Variants in NPFFR2 observed in about 807,000 individuals in gnomAD.
The protein encoded by NPFFR2 is neuropeptide FF receptor 2, also known as G-protein coupled receptor 74.
In NPFFR2, 15 loss-of-function variants were observed where a neutral mutation model predicts 13.1. The ratio of observed to expected loss-of-function variants is 1.15; its 90% CI spans 0.77 to 1.76. The LOEUF is 1.76. NPFFR2 is among the 40% of genes most tolerant of loss of function. The pLI is 0.00. For synonymous variants in NPFFR2, 190 were observed against 175.7 expected, an observed-to-expected ratio of 1.08 and a Z score of -0.65; for missense variants, 572 against 503.5, an observed-to-expected ratio of 1.14 and a Z score of -1.30.
chr4:72,073,367 G>T (rs1367027976), intron 1 of NPFFR2, among the ~76,000 whole-genome samples: 1 of 151,866 alleles, frequency 6.6e-6, no homozygotes, highest in Non-Finnish European at 1.5e-5. Flanking sequence ...TCTATAGCTG[G>T]CAAAACTATC....
At chr4:72,116,785 T>A (rs1721724514) in intron 1 of NPFFR2, among the ~76,000 whole-genome samples, 1 of 152,206 alleles carries the variant, frequency 6.6e-6, no homozygotes, top group Admixed American at 6.5e-5. Flanking sequence ...TATATTATAC[T>A]GTCACTCTGG....
rs186850390 is a variant in NPFFR2, at chr4:72,114,154, T to C, written c.-7-14431T>C. 2.6e-5 allele frequency among the ~76,000 whole-genome samples: 4 copies of C among 152,158 alleles called. No homozygotes were observed. The East Asian group carries it at 7.7e-4, about 29-fold the overall frequency. The stretch of plus-strand genomic sequence containing the variant: ...TGAATAGCCAGTCAGCAGCTTTAAC[T>C]CCTTCCTGTTCAAAAAAGTGTGCAT... On this transcript the variant is annotated intron_variant, in intron 1 of 3. Coordinates refer to ENST00000308744, the MANE Select transcript of NPFFR2 (RefSeq NM_004885.3).
Position 72,128,900 on chromosome 4 carries a change from G to C in NPFFR2, c.309G>C (p.Leu103=). The C allele has an allele frequency of 2.5e-6, 4 of 1,610,992 alleles. No homozygotes were observed. Among genetic ancestry groups the C allele is most frequent in the Non-Finnish European group, 3.4e-6 (4 of 1,177,522 alleles). ...GCATATTCTGCATGCCTATAACACT[G>C]CTGGACAATATTATAGCAGGTATGT... The part of the protein sequence containing the change: ...LVGIFCMPIT[L]LDNIIAGWPF... The change falls in exon 2 of 4, where the codon CTG becomes CTC. Residue 103 remains leucine (L), a synonymous_variant. Transcript: ENST00000308744.
rs992324076 is a variant in NPFFR2 at position 72,135,233 on chromosome 4, C to G, written c.329-2807C>G. On this transcript the variant is annotated intron_variant, in intron 2 of 3. Transcript: ENST00000308744. ...CCCTAATGTTCTCAATTCCATGAAACTATGCTTTGAAGTAAGCCTTTTTAT... is the reference window on the plus strand; with the variant it reads ...CCCTAATGTTCTCAATTCCATGAAAGTATGCTTTGAAGTAAGCCTTTTTAT... Among the ~76,000 whole-genome samples, 5 of 152,214 alleles carry G rather than the reference C, an allele frequency of 3.3e-5. No individual in the cohort carries two copies. The East Asian group carries it at 9.7e-4, about 29-fold the overall frequency.
intron 3 of NPFFR2, among the ~76,000 whole-genome samples, chr4:72,141,370 C>A (rs999744203): frequency 1.3e-5 from 2 of 152,178 alleles, no homozygotes; most frequent in African/African-American, 4.8e-5. Flanking sequence ...GATTTTAGAT[C>A]TTTCCTGCTT....
At chr4:72,039,455 C>G in intron 1 of NPFFR2, 2 of 883,160 alleles carry the variant, frequency 2.3e-6, no homozygotes, top group Non-Finnish European at 1.4e-6. Flanking sequence ...AGATTTTTCT[C>G]TACTCTTATA....
intron 1 of NPFFR2, among the ~76,000 whole-genome samples, chr4:72,069,339 A>G (rs1720176266): frequency 1.3e-5 from 2 of 152,174 alleles, no homozygotes; most frequent in Non-Finnish European, 2.9e-5. Context: ...TAGCATTTTA[A>G]AAACTATAAT....
In NPFFR2 at chr4:72,049,134, A is replaced by G. The variant is rs1719468942; in HGVS notation, c.-8+16934A>G. On this transcript the variant is annotated intron_variant, in intron 1 of 3. Coordinates refer to ENST00000308744, the MANE Select transcript of NPFFR2 (RefSeq NM_004885.3). The stretch of plus-strand genomic sequence containing the variant: ...AATTGGATTGTTTTATCTGAAAGTG[A>G]ATAATAAAGACAAAACTTTAAAAAT... Among the ~76,000 whole-genome samples, 3 of 152,132 alleles carry G rather than the reference A, an allele frequency of 2.0e-5. No homozygotes were observed. The South Asian group carries it at 6.2e-4, about 32-fold the overall frequency.
intron 1 of NPFFR2, among the ~76,000 whole-genome samples, chr4:72,044,742 A>T (rs1043308032): frequency 6.8e-5 from 2 of 29,468 alleles, no homozygotes; most frequent in African/African-American, 1.1e-4. Context: ...TTTTACTGGG[A>T]TTATTATTTT....
chr4:72,065,003 A>G (rs372735557), intron 1 of NPFFR2, among the ~76,000 whole-genome samples: 5 of 152,186 alleles, frequency 3.3e-5, no homozygotes, highest in African/African-American at 9.6e-5. Context: ...GAGGAGGTGA[A>G]GGACAGAGCA....
intron 1 of NPFFR2, among the ~76,000 whole-genome samples, chr4:72,107,732 T>G (rs1489091502): frequency 2.6e-5 from 4 of 151,958 alleles, no homozygotes; most frequent in African/African-American, 7.2e-5. Context: ...CCTCAAAATG[T>G]TTTCCTAAGT....
chr4:72,110,836 C>A (rs1025493915), intron 1 of NPFFR2, among the ~76,000 whole-genome samples: 1 of 151,946 alleles, frequency 6.6e-6, no homozygotes. Flanking sequence ...CATCACCACC[C>A]TCCAAAAATC....
intron 1 of NPFFR2, among the ~76,000 whole-genome samples, chr4:72,042,406 G>T (rs1251800504): frequency 4.6e-5 from 7 of 152,170 alleles, no homozygotes; most frequent in Non-Finnish European, 1.0e-4. Flanking sequence ...CCAGAATGGG[G>T]TGCTGCTATA....
At chr4:72,059,248 G>A (rs1381212121) in intron 1 of NPFFR2, among the ~76,000 whole-genome samples, 2 of 152,052 alleles carry the variant, frequency 1.3e-5, no homozygotes, top group African/African-American at 4.8e-5. Flanking sequence ...GGCAAGGTCT[G>A]CAAGATAGAT....
intron 1 of NPFFR2, among the ~76,000 whole-genome samples, chr4:72,036,920 A>C (rs1013899180): frequency 1.3e-5 from 2 of 152,210 alleles, no homozygotes; most frequent in African/African-American, 2.4e-5. Context: ...TGATTCTCAT[A>C]TCTTGGGAGA....
At chr4:72,081,741 T>A in intron 1 of NPFFR2, among the ~76,000 whole-genome samples, 1 of 152,062 alleles carries the variant, frequency 6.6e-6, no homozygotes, top group South Asian at 2.1e-4. Context: ...TCCTCCCGCC[T>A]TGGCCTCCAG....
At chr4:72,142,088 C>CT (rs1722644112) in intron 3 of NPFFR2, among the ~76,000 whole-genome samples, 1 of 151,842 alleles carries the variant, frequency 6.6e-6, no homozygotes, top group African/African-American at 2.4e-5. Flanking sequence ...CAACCCCTGC[C>CT]TTTTTTTGCT....
At chr4:72,077,061 AG>A (rs1406428621) in intron 1 of NPFFR2, among the ~76,000 whole-genome samples, 1 of 152,156 alleles carries the variant, frequency 6.6e-6, no homozygotes, top group Non-Finnish European at 1.5e-5. Flanking sequence ...TCCCCTTATC[AG>A]TTAATGATTT....
Position 72,147,800 on chromosome 4 carries a change from CA to C in NPFFR2, c.1252del (p.Ser418ValfsTer7). The C allele has an allele frequency of 6.4e-7, 1 of 1,566,688 alleles. No individual in the cohort carries two copies. Among genetic ancestry groups the C allele is most frequent in the Non-Finnish European group, 8.6e-7 (1 of 1,163,640 alleles). On this transcript the variant is annotated frameshift_variant, in exon 4 of 4. Transcript: ENST00000308744. LOFTEE classifies it high-confidence loss of function. ...AAGAATTAAAAGAAACTACTAACAG[CA>C]GTGAGATTTAAAAAGAGCTAGTGTG... ...MEELKETTNS[S>X]EI
Sources: allele counts gnomAD v4.1 joint callset (sites outside exome capture counted in the v4.1 genomes callset), GRCh38; gene constraint gnomAD v4.1.1; transcripts MANE v1.5; gene names NCBI Gene and HGNC (gene_info 2026-07-23, HGNC 2026-07-21).